PDE7B: variants seen among roughly 807,000 people sequenced by gnomAD.
PDE7B encodes the protein phosphodiesterase 7B, also known as 3',5'-cyclic-AMP phosphodiesterase 7B.
In PDE7B, 29 loss-of-function variants were observed where a neutral mutation model predicts 56.2. The ratio of observed to expected loss-of-function variants is 0.52; its 90% CI spans 0.38 to 0.70. The LOEUF is 0.70. Ranked by LOEUF, PDE7B falls within the 30% of genes least tolerant of loss-of-function variation. PDE7B has a pLI of 0.00. For synonymous variants in PDE7B, 197 were observed against 196.9 expected, an observed-to-expected ratio of 1.00 and a Z score of 0.00; for missense variants, 490 against 565.0, an observed-to-expected ratio of 0.87 and a Z score of 1.35.
At chr6:136,071,855 C>T (rs914702044) in intron 2 of PDE7B, among the ~76,000 whole-genome samples, 2 of 152,222 alleles carry the variant, frequency 1.3e-5, no homozygotes, top group African/African-American at 4.8e-5. Context: ...GATCATATAA[C>T]AATGCCTAAC....
In PDE7B at chr6:136,181,442, TCCTAA is replaced by T. The variant is rs1463098794; in HGVS notation, c.1045+123_1045+127del. On this transcript the variant is annotated intron_variant, in intron 11 of 12. Transcript: ENST00000308191. ...TTTGTTCTCTCATCAACTCTTGTTA[TCCTAA>T]CCTTTCTCTTTTACTCTCTTGGAAC... 11 of 680,588 alleles carry T rather than the reference TCCTAA, an allele frequency of 1.6e-5. No homozygotes were observed. In the African/African-American group the frequency reaches 2.0e-4, roughly 12 times the overall value. 42.2% of individuals were successfully genotyped at this position (680,588 alleles called of 1,614,324 possible). A position where few individuals can be genotyped will look rare whatever the true frequency, so the allele number is the denominator to read the frequency against.
intron 2 of PDE7B, among the ~76,000 whole-genome samples, chr6:136,003,541 G>T (rs867307249): frequency 6.6e-6 from 1 of 152,144 alleles, no homozygotes; most frequent in Non-Finnish European, 1.5e-5. Flanking sequence ...TCCCACAGAA[G>T]TACAAACTAC....
chr6:136,038,362 G>A (rs1776362548), intron 2 of PDE7B: 1 of 1,291,778 alleles, frequency 7.7e-7, no homozygotes, highest in Non-Finnish European at 1.0e-6. Context: ...AAGGTGTGCT[G>A]CCCTCCTCCC....
chr6:136,002,580 A>C (rs1368891643), intron 2 of PDE7B, among the ~76,000 whole-genome samples: 1 of 152,212 alleles, frequency 6.6e-6, no homozygotes, highest in Admixed American at 6.5e-5. Context: ...ACCTGAAACC[A>C]ACAAAGATCA....
At chr6:136,091,275 G>A (rs1481525654) in intron 2 of PDE7B, among the ~76,000 whole-genome samples, 1 of 152,178 alleles carries the variant, frequency 6.6e-6, no homozygotes, top group Non-Finnish European at 1.5e-5. Flanking sequence ...AAGGAGAGTA[G>A]AATGTTAGCC....
At chr6:136,047,552 A>T (rs1261807561) in intron 2 of PDE7B, 2 of 152,226 alleles carry the variant, frequency 1.3e-5, no homozygotes, top group Non-Finnish European at 2.9e-5. Flanking sequence ...GTTTTGAAAA[A>T]TTTTTGAAAA....
chr6:135,901,298 G>A (rs1487811746), intron 1 of PDE7B, among the ~76,000 whole-genome samples: 1 of 151,898 alleles, frequency 6.6e-6, no homozygotes, highest in African/African-American at 2.4e-5. Flanking sequence ...ATAAATCTAG[G>A]CATTCTCCTA....
chr6:135,958,368 T>G (rs1774837760), intron 2 of PDE7B, among the ~76,000 whole-genome samples: 2 of 152,346 alleles, frequency 1.3e-5, no homozygotes, highest in Non-Finnish European at 2.9e-5. Context: ...AAACTGTACT[T>G]TTTAAAATGT....
At chr6:136,125,688 T>G (rs994589886) in intron 3 of PDE7B, among the ~76,000 whole-genome samples, 2 of 152,162 alleles carry the variant, frequency 1.3e-5, no homozygotes, top group African/African-American at 4.8e-5. Flanking sequence ...AAAACCCTAC[T>G]AAAGGCAAGA....
chr6:136,036,235 C>T (rs1776324201), intron 2 of PDE7B, among the ~76,000 whole-genome samples: 1 of 152,114 alleles, frequency 6.6e-6, no homozygotes, highest in African/African-American at 2.4e-5. Context: ...CCTTTCATCT[C>T]TTATCAGAGA....
chr6:136,029,691 A>T (rs901406130), intron 2 of PDE7B, among the ~76,000 whole-genome samples: 5 of 152,214 alleles, frequency 3.3e-5, no homozygotes, highest in African/African-American at 9.7e-5. Flanking sequence ...AAGGAGAAAA[A>T]TGTAGTTAAA....
intron 1 of PDE7B, among the ~76,000 whole-genome samples, chr6:135,911,823 A>T (rs919589889): frequency 6.6e-5 from 10 of 152,360 alleles, no homozygotes; most frequent in African/African-American, 1.4e-4. Flanking sequence ...AAAAAAGTAA[A>T]ATATCTCATG....
intron 2 of PDE7B, among the ~76,000 whole-genome samples, chr6:136,068,834 A>G (rs1267339516): frequency 6.6e-6 from 1 of 152,222 alleles, no homozygotes; most frequent in Non-Finnish European, 1.5e-5. Flanking sequence ...CAGACTCTTT[A>G]GTTGATTCTC....
chr6:136,051,443 C>A (rs1297679224), intron 2 of PDE7B, among the ~76,000 whole-genome samples: 2 of 152,186 alleles, frequency 1.3e-5, no homozygotes, highest in African/African-American at 4.8e-5. Flanking sequence ...TTTGAACTCT[C>A]GCATTGTTTA....
intron 11 of PDE7B, 104 bp downstream of exon 11, chr6:136,181,427 C>A: frequency 4.0e-6 from 3 of 750,914 alleles, no homozygotes; most frequent in Non-Finnish European, 7.0e-6. Flanking sequence ...TTTGTTCTCT[C>A]ATCAACTCTT....
chr6:135,878,994 A>C (rs530700880), intron 1 of PDE7B, among the ~76,000 whole-genome samples: 1 of 152,076 alleles, frequency 6.6e-6, no homozygotes, highest in Non-Finnish European at 1.5e-5. Flanking sequence ...TTTATATTTC[A>C]TTTTTTGAAT....
chr6:135,934,838 T>A (rs1171947840), intron 1 of PDE7B, among the ~76,000 whole-genome samples: 2 of 116,008 alleles, frequency 1.7e-5, no homozygotes, highest in Admixed American at 1.1e-4. Context: ...AATAAATATA[T>A]ATATTTATTT....
At chr6:136,110,451 C>T (rs1290259280) in intron 3 of PDE7B, among the ~76,000 whole-genome samples, 5 of 152,126 alleles carry the variant, frequency 3.3e-5, no homozygotes, top group Admixed American at 6.5e-5. Flanking sequence ...AACGCTCCAA[C>T]GGCATCCCAT....
chr6:135,871,129 C>T (rs187621858), intron 1 of PDE7B, among the ~76,000 whole-genome samples: 9 of 152,184 alleles, frequency 5.9e-5, no homozygotes, highest in African/African-American at 2.2e-4. Flanking sequence ...CTGCTGCTCT[C>T]TATTTACTCT....
Sources: allele counts gnomAD v4.1 joint callset (sites outside exome capture counted in the v4.1 genomes callset), GRCh38; gene constraint gnomAD v4.1.1; transcripts MANE v1.5; gene names NCBI Gene and HGNC (gene_info 2026-07-23, HGNC 2026-07-21).